The following OR52N4 variants were observed in gnomAD, a reference collection of about 807,000 sequenced individuals.
The protein encoded by OR52N4 is olfactory receptor 52N4.
Under a neutral mutation model 15.0 loss-of-function variants are expected in OR52N4, and 15 were observed. The ratio of observed to expected loss-of-function variants is 1.00; its 90% CI spans 0.67 to 1.54. The LOEUF is 1.54. OR52N4 is among the 40% of genes most tolerant of loss of function. The pLI is 0.00. For synonymous variants in OR52N4, 143 were observed against 143.7 expected (o/e 1.00, Z 0.03); for missense variants, 421 against 394.0 (o/e 1.07, Z -0.58).
chr11:5,731,159 G>A, the OR52N4 span, among the ~76,000 whole-genome samples: 2 of 152,156 alleles, frequency 1.3e-5, no homozygotes, highest in South Asian at 2.1e-4. Flanking sequence ...TTTTCTAAGT[G>A]AGCACTGGAC....
the OR52N4 span, among the ~76,000 whole-genome samples, chr11:5,735,031 A>G: frequency 1.3e-5 from 2 of 152,124 alleles, no homozygotes; most frequent in Non-Finnish European, 2.9e-5. Context: ...GAATTGATAC[A>G]ACAAAAGAAT....
chr11:5,728,938 G>A, the OR52N4 span, among the ~76,000 whole-genome samples: 830 of 151,794 alleles, frequency 5.5e-3, 11 homozygotes, highest in African/African-American at 0.019. Context: ...TGTGCACAAC[G>A]TGCAGGTTTG....
chr11:5,729,929 T>G, the OR52N4 span, among the ~76,000 whole-genome samples: 10 of 152,312 alleles, frequency 6.6e-5, no homozygotes, highest in African/African-American at 2.4e-4. Flanking sequence ...TCTTATAATA[T>G]GCCTTTGGGA....
the OR52N4 span, among the ~76,000 whole-genome samples, chr11:5,731,069 T>C: frequency 6.6e-6 from 1 of 152,172 alleles, no homozygotes; most frequent in South Asian, 2.1e-4. Context: ...CATTCGTGTA[T>C]ACTGTTCAGT....
At chr11:5,736,462 C>A in the OR52N4 span, 1 of 1,519,494 alleles carries the variant, frequency 6.6e-7, no homozygotes, top group Non-Finnish European at 9.1e-7. Flanking sequence ...GTGGTGGTTC[C>A]AACCTGTGAT....
At chr11:5,743,024 C>G in the OR52N4 span, among the ~76,000 whole-genome samples, 1 of 151,980 alleles carries the variant, frequency 6.6e-6, no homozygotes, top group Admixed American at 6.6e-5. Flanking sequence ...CATTCACAGG[C>G]TCAAAGCAAA....
the OR52N4 span, among the ~76,000 whole-genome samples, chr11:5,738,901 A>G: frequency 7.6e-6 from 1 of 130,926 alleles, no homozygotes; most frequent in African/African-American, 2.7e-5. Flanking sequence ...TAGCTAGGAC[A>G]TTCCTTGAAA....
At chr11:5,742,759 G>C in the OR52N4 span, among the ~76,000 whole-genome samples, 2 of 152,032 alleles carry the variant, frequency 1.3e-5, no homozygotes, top group Non-Finnish European at 2.9e-5. Context: ...GAAAATAAAA[G>C]GGTGATACTT....
chr11:5,737,117 A>G, the OR52N4 span: 177 of 1,614,036 alleles, frequency 1.1e-4, no homozygotes, highest in Non-Finnish European at 4.0e-5. Context: ...TTGTGATGAC[A>G]GGAGGCCAAA....
chr11:5,753,421 C>A (rs1253723729), upstream of OR52N4, among the ~76,000 whole-genome samples: 1 of 152,050 alleles, frequency 6.6e-6, no homozygotes, highest in Non-Finnish European at 1.5e-5. Flanking sequence ...TGTTCATTGG[C>A]AATTTTATTT....
Position 5,755,474 on chromosome 11 carries a change from C to T in OR52N4, c.734C>T (p.Ala245Val). ...CAGAAGGCCTTTAATACCTGCACTG[C>T]CCACATTTGTGCCATTGTTTTCTCC... ...ARQKAFNTCT[A>V]HICAIVFSYT... is the part of the protein sequence containing the mutation. Residue 245 changes from alanine (A) to valine (V), a missense_variant, in exon 2 of 2, where the codon GCC (alanine) becomes GTC (valine). Physicochemically the swap from Ala to Val is moderately conservative, Grantham distance 64. Transcript: ENST00000641350. The T allele has an allele frequency of 6.2e-7, 1 of 1,614,040 alleles. No individual in the cohort carries two copies. Among genetic ancestry groups the T allele is most frequent in the South Asian group, 1.1e-5 (1 of 91,088 alleles).
the OR52N4 span, chr11:5,734,337 T>C: frequency 1.0e-4 from 40 of 382,260 alleles, no homozygotes; most frequent in Middle Eastern, 2.9e-3. Flanking sequence ...TGCAAAAAGA[T>C]TGACATTTCT....
chr11:5,737,508 G>A, the OR52N4 span: 1 of 1,591,280 alleles, frequency 6.3e-7, no homozygotes, highest in Non-Finnish European at 8.6e-7. Context: ...TCTCCATGAT[G>A]TACATGAACC....
chr11:5,747,318 A>C, the OR52N4 span, among the ~76,000 whole-genome samples: 1 of 151,964 alleles, frequency 6.6e-6, no homozygotes, highest in Non-Finnish European at 1.5e-5. Flanking sequence ...AAATAAATAA[A>C]ATAAAATAAA....
At position 5,755,268 on chromosome 11, in the gene OR52N4, T is replaced by C. The variant is rs1468377815; in HGVS notation, c.528T>C (p.Leu176=). The C allele has an allele frequency of 6.2e-7, 1 of 1,613,926 alleles. No homozygotes were observed. Among genetic ancestry groups the C allele is most frequent in the East Asian group, 2.2e-5 (1 of 44,870 alleles). The change falls in exon 2 of 2, where the codon CTT becomes CTC. Residue 176 remains leucine (L), a synonymous_variant. Coordinates refer to ENST00000641350, the MANE Select transcript of OR52N4 (RefSeq NM_001005175.5). ...TGCCCTACTGCAGAGGCAATATACT[T>C]CCCCATACCTACTGTGACCACATGT... ...KLLPYCRGNI[L]PHTYCDHMSV... is the part of the protein sequence containing the mutation.
chr11:5,737,205 TTCTGTAC>T, the OR52N4 span: 1 of 1,613,998 alleles, frequency 6.2e-7, no homozygotes. Flanking sequence ...TATATTTTGA[TTCTGTAC>T]TCTGTACTTA....
At chr11:5,745,294 A>G in the OR52N4 span, among the ~76,000 whole-genome samples, 1 of 152,188 alleles carries the variant, frequency 6.6e-6, no homozygotes, top group Admixed American at 6.5e-5. Context: ...ATATGTAGAA[A>G]ACCCTAAAGA....
At chr11:5,736,234 C>T in the OR52N4 span, 20 of 381,788 alleles carry the variant, frequency 5.2e-5, no homozygotes, top group African/African-American at 1.2e-4. Context: ...CTATGTAAGA[C>T]GTTAATGGAC....
chr11:5,740,942 A>G, the OR52N4 span, among the ~76,000 whole-genome samples: 1 of 127,840 alleles, frequency 7.8e-6, no homozygotes, highest in South Asian at 2.7e-4. Context: ...GGTTGAGAAA[A>G]TCTGGGGCAA....
Sources: gnomAD v4.1 joint callset for allele counts (sites outside exome capture counted in the v4.1 genomes callset) on GRCh38, gnomAD v4.1.1 for gene constraint, MANE v1.5 for transcripts, NCBI Gene and HGNC (gene_info 2026-07-23, HGNC 2026-07-21) for gene names.